GLRA2: variants seen among roughly 807,000 people sequenced by gnomAD.
GLRA2 encodes the protein glycine receptor alpha 2.
In GLRA2, 11 loss-of-function variants were observed where a neutral mutation model predicts 31.6. That is an observed-to-expected ratio of 0.35 (90% CI 0.22 to 0.58). The LOEUF is 0.58. GLRA2 is among the 20% of genes least tolerant of loss of function. The pLI, the probability that GLRA2 is intolerant of heterozygous loss-of-function variation, is 0.84. For synonymous variants in GLRA2, 132 were observed against 134.0 expected, an observed-to-expected ratio of 0.99 and a Z score of 0.10; for missense variants, 212 against 351.8, an observed-to-expected ratio of 0.60 and a Z score of 3.18.
the GLRA2 span, among the ~76,000 whole-genome samples, chrX:14,455,704 T>C: frequency 4.5e-5 from 5 of 112,027 alleles, no homozygotes; most frequent in Admixed American, 9.4e-5. Context: ...AGGCATAATT[T>C]TCTATTCACT....
chrX:14,643,662 G>A (rs2090799256), intron 7 of GLRA2, among the ~76,000 whole-genome samples: 1 of 111,684 alleles, frequency 9.0e-6, no homozygotes, highest in South Asian at 3.7e-4. Context: ...ATTATACCAG[G>A]AATGTTATTT....
chrX:14,481,702 G>A, the GLRA2 span, among the ~76,000 whole-genome samples: 12 of 111,043 alleles, frequency 1.1e-4, no homozygotes, highest in Non-Finnish European at 2.1e-4. Context: ...CTATGTGATT[G>A]TAAATGAGTT....
At chrX:14,584,832 A>G (rs1397580617) in intron 4 of GLRA2, among the ~76,000 whole-genome samples, 4 of 111,927 alleles carry the variant, frequency 3.6e-5, no homozygotes, top group Non-Finnish European at 7.5e-5. Context: ...GCCCCAGCTA[A>G]TCCTCCAGGC....
At chrX:14,489,328 C>G in the GLRA2 span, among the ~76,000 whole-genome samples, 1 of 111,275 alleles carries the variant, frequency 9.0e-6, no homozygotes, top group African/African-American at 3.3e-5. Context: ...AAACCTTGAT[C>G]TAAGTCATGC....
At chrX:14,611,256 T>C (rs2090393795) in intron 7 of GLRA2, among the ~76,000 whole-genome samples, 1 of 113,053 alleles carries the variant, frequency 8.8e-6, no homozygotes, top group Non-Finnish European at 1.9e-5. Context: ...GTGGTGATTG[T>C]ACATTTACTT....
chrX:14,686,031 C>T (rs1393498109), intron 7 of GLRA2, among the ~76,000 whole-genome samples: 4 of 111,746 alleles, frequency 3.6e-5, no homozygotes, highest in Non-Finnish European at 7.5e-5. Context: ...TCATTGGTTT[C>T]AAAGAACATC....
the GLRA2 span, among the ~76,000 whole-genome samples, chrX:14,488,703 G>T: frequency 1.8e-5 from 2 of 112,019 alleles, no homozygotes; most frequent in East Asian, 2.8e-4. Flanking sequence ...TCATCTTATT[G>T]TTCTACTAAT....
the GLRA2 span, among the ~76,000 whole-genome samples, chrX:14,507,447 T>C: frequency 9.0e-6 from 1 of 110,994 alleles, no homozygotes; most frequent in Non-Finnish European, 1.9e-5. Context: ...CAATTGTTAT[T>C]TAAATAAAAC....
At chrX:14,706,316 G>A (rs1329423953) in intron 8 of GLRA2, among the ~76,000 whole-genome samples, 1 of 112,001 alleles carries the variant, frequency 8.9e-6, no homozygotes, top group Non-Finnish European at 1.9e-5. Context: ...AGCTTGAGAA[G>A]TGCTGCTCTA....
the GLRA2 span, among the ~76,000 whole-genome samples, chrX:14,482,780 G>A: frequency 9.1e-6 from 1 of 110,458 alleles, no homozygotes; most frequent in Admixed American, 9.7e-5. Flanking sequence ...CATCATCTTT[G>A]TTGTCATCAT....
chrX:14,724,626 C>CAAAAAAAAAAAAAAAA (rs758722703), intron 8 of GLRA2, among the ~76,000 whole-genome samples: 15 of 49,585 alleles, frequency 3.0e-4, no homozygotes, highest in African/African-American at 6.9e-4. Flanking sequence ...AACTCTGTCT[C>CAAAAAAAAAAAAAAAA]AAAAAAAAAA....
chrX:14,666,522 C>T (rs2067036043), intron 7 of GLRA2, among the ~76,000 whole-genome samples: 1 of 111,659 alleles, frequency 9.0e-6, no homozygotes, highest in South Asian at 3.8e-4. Context: ...AAGAATGACT[C>T]CCACGTTTAA....
At chrX:14,572,423 A>G (rs2089896790) in intron 2 of GLRA2, among the ~76,000 whole-genome samples, 1 of 112,240 alleles carries the variant, frequency 8.9e-6, no homozygotes, top group East Asian at 2.8e-4. Flanking sequence ...CATTGTGGAG[A>G]GAAAGGGAAA....
At chrX:14,596,273 GTGTTAAAAGGCATGATGGTCTTGGCTTC>G (rs1249958668) in intron 4 of GLRA2, among the ~76,000 whole-genome samples, 2 of 111,450 alleles carry the variant, frequency 1.8e-5, no homozygotes, top group Non-Finnish European at 3.8e-5. Flanking sequence ...ACACTGGCAT[GTGTTAAAAGGCATGATGGTCTTGGCTTC>G]TTCTCTATCT....
intron 4 of GLRA2, among the ~76,000 whole-genome samples, chrX:14,597,979 A>G (rs2090226198): frequency 8.9e-6 from 1 of 111,747 alleles, no homozygotes; most frequent in African/African-American, 3.3e-5. Flanking sequence ...GATTATTAAT[A>G]CTATTATCAC....
At chrX:14,523,072 C>T in the GLRA2 span, among the ~76,000 whole-genome samples, 1 of 112,203 alleles carries the variant, frequency 8.9e-6, no homozygotes, top group African/African-American at 3.2e-5. Context: ...GCTGTTTCAT[C>T]TACATTGAAA....
intron 4 of GLRA2, among the ~76,000 whole-genome samples, chrX:14,586,534 A>G (rs759047666): frequency 8.9e-6 from 1 of 112,414 alleles, no homozygotes; most frequent in Non-Finnish European, 1.9e-5. Flanking sequence ...AGTACTGAGT[A>G]ACATGTGGTC....
At chrX:14,685,223 T>C (rs1354963772) in intron 7 of GLRA2, among the ~76,000 whole-genome samples, 2 of 111,511 alleles carry the variant, frequency 1.8e-5, no homozygotes, top group Non-Finnish European at 3.8e-5. Flanking sequence ...TTTGCCAGTA[T>C]TTTATTGAGG....
the GLRA2 span, among the ~76,000 whole-genome samples, chrX:14,454,181 CA>C: frequency 2.4e-4 from 1 of 4,145 alleles, no homozygotes; most frequent in Non-Finnish European, 3.5e-4. Flanking sequence ...CACCCACACC[CA>C]CACACCCACA....
Sources: allele counts gnomAD v4.1 joint callset (sites outside exome capture counted in the v4.1 genomes callset), GRCh38; gene constraint gnomAD v4.1.1; transcripts MANE v1.5; gene names NCBI Gene and HGNC (gene_info 2026-07-23, HGNC 2026-07-21).